The following ESD variants were observed in gnomAD, a reference collection of about 807,000 sequenced individuals.
ESD encodes the protein esterase D, also known as S-formylglutathione hydrolase.
In ESD, 34 loss-of-function variants were observed where a neutral mutation model predicts 38.1. That is an observed-to-expected ratio of 0.89 (90% CI 0.68 to 1.19). The LOEUF (loss-of-function observed/expected upper bound fraction) is 1.19, where lower values mean the gene tolerates loss of function less well. Among genes scored for constraint, ESD ranks in the 50% most tolerant of loss-of-function variants. The pLI is 0.00. For synonymous variants in ESD, 97 were observed against 107.0 expected, an observed-to-expected ratio of 0.91 and a Z score of 0.58; for missense variants, 334 against 327.2, an observed-to-expected ratio of 1.02 and a Z score of -0.16.
At chr13:46,788,645 A>G (rs1333319837) in intron 3 of ESD, among the ~76,000 whole-genome samples, 1 of 148,748 alleles carries the variant, frequency 6.7e-6, no homozygotes, top group African/African-American at 2.5e-5. Context: ...TATGTTCAAC[A>G]GTGGTATGAT....
chr13:46,797,253 TCTC>T (rs1409055850), upstream of ESD: 1 of 152,396 alleles, frequency 6.6e-6, no homozygotes, highest in East Asian at 1.9e-4. Context: ...AACCCGCTCT[TCTC>T]CAGTTCAGTC....
intron 7 of ESD, among the ~76,000 whole-genome samples, chr13:46,781,283 A>G (rs541165349): frequency 6.6e-5 from 10 of 151,860 alleles, no homozygotes; most frequent in African/African-American, 2.4e-4. Context: ...GTAGGCCAAT[A>G]AGAAAGCACT....
At chr13:46,781,347 A>C (rs1874992122) in intron 7 of ESD, 149 bp downstream of exon 7, 1 of 568,284 alleles carries the variant, frequency 1.8e-6, no homozygotes, top group Admixed American at 3.7e-5. Flanking sequence ...TGGTCAAATT[A>C]AATACCCACC....
chr13:46,795,880 G>T (rs1875556503), intron 1 of ESD, among the ~76,000 whole-genome samples: 1 of 151,928 alleles, frequency 6.6e-6, no homozygotes. Flanking sequence ...TCAGCCTCTG[G>T]AGTAGTTGGG....
At chr13:46,771,972 T>C (rs529401980) in intron 9 of ESD, among the ~76,000 whole-genome samples, 1 of 152,070 alleles carries the variant, frequency 6.6e-6, no homozygotes, top group Non-Finnish European at 1.5e-5. Context: ...GGCAAGACAT[T>C]TCAATTCACA....
intron 8 of ESD, among the ~76,000 whole-genome samples, 185 bp downstream of exon 8, chr13:46,779,750 A>T (rs1874933550): frequency 6.8e-6 from 1 of 146,196 alleles, no homozygotes; most frequent in South Asian, 2.1e-4. Context: ...AATATATATA[A>T]AATAATATAT....
chr13:46,781,103 A>G (rs764016712), intron 7 of ESD, among the ~76,000 whole-genome samples: 72 of 151,782 alleles, frequency 4.7e-4, no homozygotes, highest in Non-Finnish European at 1.6e-4. Flanking sequence ...CTTTTACCTC[A>G]GAAAATCAAA....
At position 46,779,855 on chromosome 13, in the gene ESD, T is replaced by C. The variant is rs1874937829; in HGVS notation, c.600+80A>G. 1.8e-5 allele frequency: 18 copies of C among 1,026,416 alleles called. No individual in the cohort carries two copies. In the South Asian group the frequency reaches 2.6e-4, roughly 15 times the overall value. 63.6% of individuals were successfully genotyped at this position (1,026,416 alleles called of 1,614,324 possible). A position where few individuals can be genotyped will look rare whatever the true frequency, so the allele number is the denominator to read the frequency against. ...CTCTAGAGCCCTAACATGAGCAGGG[T>C]AGGAATATAATATATGTCCAACCTT... On this transcript the variant is annotated intron_variant, in intron 8 of 9. Transcript: ENST00000378720.
intron 2 of ESD, among the ~76,000 whole-genome samples, chr13:46,792,373 A>C (rs1875431174): frequency 1.3e-5 from 2 of 152,056 alleles, no homozygotes; most frequent in African/African-American, 4.8e-5. Context: ...AATCAGCTGG[A>C]GCTTTAGGAT....
chr13:46,772,807 C>T (rs577649707), intron 9 of ESD, among the ~76,000 whole-genome samples: 14 of 152,276 alleles, frequency 9.2e-5, no homozygotes, highest in African/African-American at 3.4e-4. Flanking sequence ...GCCTCAGCCT[C>T]CCGACTAGCT....
intron 9 of ESD, among the ~76,000 whole-genome samples, chr13:46,775,064 A>T (rs1289070102): frequency 6.6e-6 from 1 of 151,558 alleles, no homozygotes; most frequent in African/African-American, 2.4e-5. Flanking sequence ...AGGTCACTAA[A>T]TTTTTTTTTC....
At chr13:46,784,535 C>T (rs1185809232) in intron 4 of ESD, among the ~76,000 whole-genome samples, 185 bp from the exon 5 acceptor site, 3 of 151,776 alleles carry the variant, frequency 2.0e-5, no homozygotes, top group African/African-American at 4.8e-5. Context: ...TCACGCAATA[C>T]GCTCATATAA....
intron 6 of ESD, 130 bp downstream of exon 6, chr13:46,782,537 A>G (rs1024821652): frequency 6.0e-5 from 52 of 868,144 alleles, no homozygotes; most frequent in Non-Finnish European, 8.4e-5. Flanking sequence ...CTATAGTACT[A>G]GCAAACTTTG....
intron 9 of ESD, among the ~76,000 whole-genome samples, chr13:46,771,913 A>T (rs1312405996): frequency 6.6e-6 from 1 of 152,164 alleles, no homozygotes; most frequent in Admixed American, 6.5e-5. Context: ...TGACACTGTC[A>T]TATCAACCAA....
At chr13:46,794,631 G>GT (rs1029407270) in intron 1 of ESD, among the ~76,000 whole-genome samples, 4 of 151,958 alleles carry the variant, frequency 2.6e-5, no homozygotes, top group South Asian at 2.1e-4. Flanking sequence ...CTCTACATGT[G>GT]TTTTTTTGTT....
intron 3 of ESD, among the ~76,000 whole-genome samples, chr13:46,789,269 T>C (rs1875307199): frequency 1.3e-5 from 2 of 152,168 alleles, no homozygotes; most frequent in Admixed American, 1.3e-4. Flanking sequence ...CAAAAGTGCA[T>C]GGGAAATACA....
chr13:46,779,714 T>G (rs1566278786), intron 8 of ESD, among the ~76,000 whole-genome samples: 1 of 146,046 alleles, frequency 6.8e-6, no homozygotes, highest in African/African-American at 2.5e-5. Context: ...TTTATATATA[T>G]ATATATATAA....
intron 3 of ESD, among the ~76,000 whole-genome samples, chr13:46,787,782 G>A (rs2138299519): frequency 6.6e-6 from 1 of 151,862 alleles, no homozygotes; most frequent in Admixed American, 6.6e-5. Context: ...TCCACACACT[G>A]TTATGAAAAA....
intron 9 of ESD, among the ~76,000 whole-genome samples, chr13:46,774,829 T>C (rs1874730905): frequency 1.3e-5 from 2 of 152,206 alleles, no homozygotes; most frequent in Non-Finnish European, 2.9e-5. Context: ...AGAGTCTCTG[T>C]GCTAGATACC....
Sources: gnomAD v4.1 joint callset for allele counts (sites outside exome capture counted in the v4.1 genomes callset) on GRCh38, gnomAD v4.1.1 for gene constraint, MANE v1.5 for transcripts, NCBI Gene and HGNC (gene_info 2026-07-23, HGNC 2026-07-21) for gene names.